SLC26A8: variants seen among roughly 807,000 people sequenced by gnomAD.
SLC26A8 encodes testis anion transporter 1.
Under a neutral mutation model 105.0 loss-of-function variants are expected in SLC26A8, and 70 were observed. The ratio of observed to expected loss-of-function variants is 0.67; its 90% CI spans 0.55 to 0.81. SLC26A8 has a LOEUF of 0.81. SLC26A8 is among the 40% of genes least tolerant of loss of function. The probability of loss-of-function intolerance (pLI) is 0.00; values close to 1 mark genes in which losing one functional copy is unlikely to be tolerated. For missense variants in SLC26A8, 998 were observed against 1,181.8 expected, an observed-to-expected ratio of 0.84 and a Z score of 2.28; for synonymous variants, 415 against 438.3, an observed-to-expected ratio of 0.95 and a Z score of 0.66.
At chr6:36,003,210 A>G (rs1413672183) in intron 3 of SLC26A8, among the ~76,000 whole-genome samples, 1 of 152,144 alleles carries the variant, frequency 6.6e-6, no homozygotes, top group African/African-American at 2.4e-5. Context: ...TAGGTCTTTA[A>G]TCAACCAGGA....
At chr6:35,994,566 G>A (rs1481100464) in intron 5 of SLC26A8, among the ~76,000 whole-genome samples, 1 of 144,228 alleles carries the variant, frequency 6.9e-6, no homozygotes, top group Non-Finnish European at 1.5e-5. Context: ...GCCAATCCAT[G>A]TGCATCATCT....
At chr6:35,986,306 T>C (rs1243380842) in intron 7 of SLC26A8, among the ~76,000 whole-genome samples, 1 of 152,172 alleles carries the variant, frequency 6.6e-6, no homozygotes, top group Non-Finnish European at 1.5e-5. Flanking sequence ...AGTGCTGAAA[T>C]TACAGGTGTG....
At chr6:35,999,269 CAT>C (rs901525412) in intron 4 of SLC26A8, among the ~76,000 whole-genome samples, 1 of 152,112 alleles carries the variant, frequency 6.6e-6, no homozygotes, top group African/African-American at 2.4e-5. Context: ...AACATAAAAA[CAT>C]ATATAAAGAA....
At chr6:35,988,067 T>G (rs1581667744) in intron 7 of SLC26A8, among the ~76,000 whole-genome samples, 1 of 151,940 alleles carries the variant, frequency 6.6e-6, no homozygotes. Context: ...CACGCCACCA[T>G]GCCCGGCTAA....
chr6:36,006,429 T>C (rs1005157760), intron 3 of SLC26A8, among the ~76,000 whole-genome samples: 2 of 152,226 alleles, frequency 1.3e-5, no homozygotes, highest in African/African-American at 4.8e-5. Flanking sequence ...TATGCAATCA[T>C]TTTTATTCAA....
intron 2 of SLC26A8, among the ~76,000 whole-genome samples, chr6:36,013,290 G>C (rs189762135): frequency 1.4e-4 from 21 of 151,516 alleles, no homozygotes; most frequent in Non-Finnish European, 1.2e-4. Context: ...TCTGCCTCCC[G>C]GGTTCAAGCA....
chr6:36,017,734 T>C (rs912705577), intron 2 of SLC26A8, among the ~76,000 whole-genome samples: 4 of 152,092 alleles, frequency 2.6e-5, no homozygotes, highest in African/African-American at 7.2e-5. Context: ...TGGGAGAAAA[T>C]ATTTACAAAA....
At chr6:35,986,700 A>C (rs762858598) in intron 7 of SLC26A8, among the ~76,000 whole-genome samples, 1 of 151,792 alleles carries the variant, frequency 6.6e-6, no homozygotes, top group Admixed American at 6.6e-5. Flanking sequence ...TTTTTATTTT[A>C]TTTTAATTTT....
chr6:36,021,803 A>C (rs1447744491), intron 1 of SLC26A8, among the ~76,000 whole-genome samples: 1 of 151,894 alleles, frequency 6.6e-6, no homozygotes, highest in East Asian at 1.9e-4. Context: ...TTATTTTTTG[A>C]TATAGAGTCT....
At chr6:35,952,993 G>A (rs986065196) in intron 17 of SLC26A8, among the ~76,000 whole-genome samples, 3 of 120,712 alleles carry the variant, frequency 2.5e-5, no homozygotes, top group African/African-American at 3.2e-5. Context: ...CAGCCTGGGC[G>A]ACACAGCAAG....
chr6:35,944,106 G>A lies in SLC26A8; in HGVS notation c.2707C>T (p.Gln903Ter), dbSNP rs372767707. 4 of 1,613,852 alleles carry A rather than the reference G, an allele frequency of 2.5e-6. No homozygotes were observed. Among genetic ancestry groups the A allele is most frequent in the Non-Finnish European group, 3.4e-6 (4 of 1,179,998 alleles). Residue 903 changes from glutamine to a stop codon, truncating the protein, a stop_gained, in exon 20 of 20, where the codon CAG becomes TAG. Transcript: ENST00000490799. LOFTEE classifies it high-confidence loss of function. ...TCCATCTCAGGCTCAGTCTCAGGCT[G>A]GGGCTCCATCTCGGTCTGGGTCTTG... ...ETKTQTEMEP[Q>*]PETEPEMEPN...
At position 35,951,502 on chromosome 6, in the gene SLC26A8, G is replaced by A; in HGVS notation, c.2233-3C>T. 1 of 1,614,138 alleles carries A rather than the reference G, an allele frequency of 6.2e-7. No individual in the cohort carries two copies. The highest frequency in any genetic ancestry group is 8.5e-7 in the Non-Finnish European group (1 of 1,180,006). On this transcript the variant is annotated splice_region_variant and splice_polypyrimidine_tract_variant and intron_variant, in intron 17 of 19. Coordinates refer to ENST00000490799, the MANE Select transcript of SLC26A8 (RefSeq NM_052961.4). ...GCGTTTTGAAAGGCATTGCATATCT[G>A]TGGGGGGAGAGAAAACCAGTATCAG... is the stretch of plus-strand genomic sequence containing the variant.
At chr6:35,973,580 G>A (rs1772879766) in intron 10 of SLC26A8, among the ~76,000 whole-genome samples, 1 of 151,196 alleles carries the variant, frequency 6.6e-6, no homozygotes, top group Non-Finnish European at 1.5e-5. Context: ...ATCAGCTATT[G>A]TTAGAATTAG....
chr6:35,998,793 G>C (rs1761436446), intron 4 of SLC26A8, among the ~76,000 whole-genome samples: 1 of 152,102 alleles, frequency 6.6e-6, no homozygotes, highest in South Asian at 2.1e-4. Flanking sequence ...AGGTTCCTCA[G>C]AAACTTGGAA....
rs372735123 is a variant in SLC26A8, at chr6:36,005,680, C to A, written c.329-5572G>T. 1.1e-3 allele frequency among the ~76,000 whole-genome samples: 173 copies of A among 152,224 alleles called. 3 individuals carry two copies. The South Asian group carries it at 0.035, about 31-fold the overall frequency. Reference sequence around the variant, plus strand: ...TGCTCACATTAATCACTTAGTTAAGCTATTTTCTCCTAGGTTTTCTATTGT... The same window carrying A: ...TGCTCACATTAATCACTTAGTTAAGATATTTTCTCCTAGGTTTTCTATTGT... On this transcript the variant is annotated intron_variant, in intron 3 of 19. Transcript: ENST00000490799.
chr6:35,994,483 C>T (rs1761291059), intron 5 of SLC26A8, among the ~76,000 whole-genome samples: 1 of 151,888 alleles, frequency 6.6e-6, no homozygotes, highest in Non-Finnish European at 1.5e-5. Context: ...GGCCAGTCTG[C>T]TTCCTATTTC....
chr6:36,017,064 C>T (rs116637351), intron 2 of SLC26A8, among the ~76,000 whole-genome samples: 1,590 of 151,892 alleles, frequency 0.01, 22 homozygotes, highest in African/African-American at 0.035. Flanking sequence ...CCCAGATACT[C>T]GGGAGATGAG....
At chr6:35,954,181 A>G (rs1771973868) in intron 17 of SLC26A8, among the ~76,000 whole-genome samples, 1 of 152,232 alleles carries the variant, frequency 6.6e-6, no homozygotes, top group Non-Finnish European at 1.5e-5. Context: ...TGTACCATAT[A>G]GGAGGAAGAC....
At chr6:35,965,784 A>C (rs1227198066) in intron 11 of SLC26A8, among the ~76,000 whole-genome samples, 2 of 151,728 alleles carry the variant, frequency 1.3e-5, no homozygotes, top group Non-Finnish European at 2.9e-5. Flanking sequence ...TGAGGTCAGG[A>C]GTTCAAGACC....
Sources: gnomAD v4.1 joint callset for allele counts (sites outside exome capture counted in the v4.1 genomes callset) on GRCh38, gnomAD v4.1.1 for gene constraint, MANE v1.5 for transcripts, NCBI Gene and HGNC (gene_info 2026-07-23, HGNC 2026-07-21) for gene names.